The following FBXL7 variants were observed in gnomAD, a reference collection of about 807,000 sequenced individuals.
FBXL7 encodes F-box/LRR-repeat protein 7.
FBXL7 carries 12 observed loss-of-function variants against 38.3 expected under a neutral mutation model. That is an observed-to-expected ratio of 0.31 (90% CI 0.20 to 0.51). The LOEUF (loss-of-function observed/expected upper bound fraction) is 0.51. FBXL7 is among the 20% of genes least tolerant of loss of function. The pLI, the probability that FBXL7 is intolerant of heterozygous loss-of-function variation, is 0.98. For missense variants in FBXL7, 567 were observed against 676.4 expected, an observed-to-expected ratio of 0.84 and a Z score of 1.79; for synonymous variants, 297 against 300.9, an observed-to-expected ratio of 0.99 and a Z score of 0.13.
At chr5:15,507,829 G>A (rs532271363) in intron 1 of FBXL7, among the ~76,000 whole-genome samples, 5 of 152,240 alleles carry the variant, frequency 3.3e-5, no homozygotes, top group African/African-American at 1.2e-4. Context: ...GATCACCTGA[G>A]GTCAGGAGTT....
At chr5:15,858,586 C>T (rs1739342148) in intron 2 of FBXL7, among the ~76,000 whole-genome samples, 1 of 152,060 alleles carries the variant, frequency 6.6e-6, no homozygotes, top group Non-Finnish European at 1.5e-5. Flanking sequence ...GCAAGAGATG[C>T]TTTAGTGGGA....
chr5:15,724,599 G>A (rs901474835), intron 2 of FBXL7, among the ~76,000 whole-genome samples: 2 of 152,082 alleles, frequency 1.3e-5, no homozygotes, highest in African/African-American at 4.8e-5. Context: ...AATCATACAT[G>A]TGTGCTCTTT....
chr5:15,631,200 C>G (rs1317712842), intron 2 of FBXL7, among the ~76,000 whole-genome samples: 1 of 152,116 alleles, frequency 6.6e-6, no homozygotes, highest in African/African-American at 2.4e-5. Context: ...TCCAACATCT[C>G]TAAGTACTTA....
At chr5:15,775,572 A>G (rs1300430666) in intron 2 of FBXL7, among the ~76,000 whole-genome samples, 3 of 152,184 alleles carry the variant, frequency 2.0e-5, no homozygotes, top group Non-Finnish European at 4.4e-5. Context: ...ATGGAATGGA[A>G]TGGGAATTAG....
chr5:15,729,926 G>T (rs1240738212), intron 2 of FBXL7, among the ~76,000 whole-genome samples: 1 of 152,140 alleles, frequency 6.6e-6, no homozygotes, highest in African/African-American at 2.4e-5. Context: ...AGTTAAATCT[G>T]TCAGTTCCAG....
At chr5:15,733,931 A>AC (rs1248406548) in intron 2 of FBXL7, among the ~76,000 whole-genome samples, 1 of 151,998 alleles carries the variant, frequency 6.6e-6, no homozygotes, top group African/African-American at 2.4e-5. Flanking sequence ...ACATGGTGAA[A>AC]CCCCGTCTCT....
At chr5:15,728,385 G>A (rs564829566) in intron 2 of FBXL7, among the ~76,000 whole-genome samples, 2 of 152,226 alleles carry the variant, frequency 1.3e-5, no homozygotes, top group African/African-American at 4.8e-5. Flanking sequence ...GAGAGGCATA[G>A]GGATAATAGG....
At chr5:15,843,530 C>T (rs529948648) in intron 2 of FBXL7, among the ~76,000 whole-genome samples, 1 of 152,014 alleles carries the variant, frequency 6.6e-6, no homozygotes, top group East Asian at 1.9e-4. Context: ...GCATGAAGCC[C>T]CATAGTCTAA....
At chr5:15,781,760 G>A (rs1736999286) in intron 2 of FBXL7, among the ~76,000 whole-genome samples, 1 of 152,132 alleles carries the variant, frequency 6.6e-6, no homozygotes, top group Non-Finnish European at 1.5e-5. Context: ...GATAAGTATT[G>A]CTATAAAGGA....
intron 2 of FBXL7, among the ~76,000 whole-genome samples, chr5:15,884,294 T>G (rs1740585776): frequency 1.3e-5 from 2 of 151,634 alleles, no homozygotes; most frequent in African/African-American, 4.8e-5. Context: ...TGAGATGGAG[T>G]CTCGCTCTGT....
chr5:15,528,157 C>A (rs1580353019), intron 1 of FBXL7, among the ~76,000 whole-genome samples: 1 of 152,112 alleles, frequency 6.6e-6, no homozygotes, highest in Admixed American at 6.5e-5. Context: ...GAATGCATAG[C>A]AGACATTGGA....
chr5:15,776,389 A>C (rs1505037), intron 2 of FBXL7, among the ~76,000 whole-genome samples: 1 of 151,828 alleles, frequency 6.6e-6, no homozygotes, highest in South Asian at 2.1e-4. Context: ...TATGGTAACA[A>C]CCAATTATAA....
At chr5:15,837,245 AAG>A (rs1433471906) in intron 2 of FBXL7, among the ~76,000 whole-genome samples, 1 of 152,212 alleles carries the variant, frequency 6.6e-6, no homozygotes, top group Non-Finnish European at 1.5e-5. Flanking sequence ...TAGAAACTTA[AAG>A]AGAATCTTAA....
In FBXL7 at chr5:15,620,406, GTTTTTTGTT is replaced by G. The variant is rs1327225388; in HGVS notation, c.127+4341_127+4349del. Among the ~76,000 whole-genome samples the G allele has an allele frequency of 9.4e-5, 11 of 116,650 alleles. No individual in the cohort carries two copies. In the East Asian group the frequency reaches 4.2e-3, roughly 44 times the overall value. 76.5% of individuals were successfully genotyped at this position (116,650 alleles called of 152,430 possible). ...TGCCACCACGCCCAGCTAATTTTTT[GTTTTTTGTT>G]TTTTTTTTTTTTTAAGTAGAAACGG... On this transcript the variant is annotated intron_variant, in intron 2 of 3. Transcript: ENST00000504595.
At chr5:15,833,005 C>T (rs1738497345) in intron 2 of FBXL7, among the ~76,000 whole-genome samples, 1 of 152,110 alleles carries the variant, frequency 6.6e-6, no homozygotes, top group African/African-American at 2.4e-5. Flanking sequence ...AGTTTTCCTG[C>T]ACAAGTTCTC....
chr5:15,630,853 AT>A (rs35242245), intron 2 of FBXL7, among the ~76,000 whole-genome samples: 46,166 of 149,438 alleles, frequency 0.31, 7,249 homozygotes, highest in East Asian at 0.45. Context: ...AAATTTTGAG[AT>A]TTTTTTTTTT....
chr5:15,875,898 C>T (rs573163293), intron 2 of FBXL7, among the ~76,000 whole-genome samples: 2 of 152,294 alleles, frequency 1.3e-5, no homozygotes, highest in South Asian at 4.1e-4. Context: ...AATCCCATTA[C>T]TGGGTATATA....
intron 1 of FBXL7, among the ~76,000 whole-genome samples, chr5:15,599,649 C>T (rs1580395237): frequency 6.6e-6 from 1 of 152,100 alleles, no homozygotes; most frequent in African/African-American, 2.4e-5. Context: ...ATCAGAGGTA[C>T]AGAAATAGAT....
At chr5:15,766,445 AT>A (rs1736595107) in intron 2 of FBXL7, among the ~76,000 whole-genome samples, 1 of 152,304 alleles carries the variant, frequency 6.6e-6, no homozygotes, top group South Asian at 2.1e-4. Flanking sequence ...AGGTTTACTG[AT>A]TTAATTAGCT....
Sources: allele counts gnomAD v4.1 joint callset (sites outside exome capture counted in the v4.1 genomes callset), GRCh38; gene constraint gnomAD v4.1.1; transcripts MANE v1.5; gene names NCBI Gene and HGNC (gene_info 2026-07-23, HGNC 2026-07-21).